The following ERICH2 variants were observed in gnomAD, a reference collection of about 807,000 sequenced individuals.
ERICH2 encodes the protein glutamate-rich protein 2.
ERICH2 carries 17 observed loss-of-function variants against 17.4 expected under a neutral mutation model. The observed-to-expected ratio is 0.98, with a 90% CI of 0.67 to 1.47. ERICH2 has a LOEUF of 1.47. Among genes scored for constraint, ERICH2 ranks in the 40% most tolerant of loss-of-function variants. The pLI is 0.00. For synonymous variants in ERICH2, 51 were observed against 61.1 expected (o/e 0.83, Z 0.77); for missense variants, 186 against 183.2 (o/e 1.01, Z -0.09).
chr2:170,789,775 A>C (rs1701242437), intron 2 of ERICH2, among the ~76,000 whole-genome samples: 1 of 152,220 alleles, frequency 6.6e-6, no homozygotes, highest in Non-Finnish European at 1.5e-5. Flanking sequence ...GGCTAGTATT[A>C]ATATAATGCT....
intron 2 of ERICH2, among the ~76,000 whole-genome samples, chr2:170,785,759 G>A (rs1366050303): frequency 6.6e-6 from 1 of 152,008 alleles, no homozygotes; most frequent in Non-Finnish European, 1.5e-5. Context: ...AACAAGAGAA[G>A]GCATTACTGG....
chr2:170,777,491 T>C, the ERICH2 span: 3 of 1,132,536 alleles, frequency 2.6e-6, no homozygotes, highest in Non-Finnish European at 3.3e-6. Flanking sequence ...GTAAGAAGAC[T>C]ATTGGAATCT....
chr2:170,777,328 T>C, the ERICH2 span: 1 of 750,544 alleles, frequency 1.3e-6, no homozygotes, highest in Non-Finnish European at 1.7e-6. Context: ...ATTTCAAATA[T>C]CTCAAACTAA....
the ERICH2 span, among the ~76,000 whole-genome samples, chr2:170,775,422 ACT>A: frequency 1.3e-5 from 2 of 151,956 alleles, no homozygotes; most frequent in Non-Finnish European, 2.9e-5. Context: ...ACAGAGCGAG[ACT>A]CTGTCTCAAA....
rs1017032725 is a variant in ERICH2, at chr2:170,790,942, G to C, written c.217-1921G>C. 2.0e-5 allele frequency among the ~76,000 whole-genome samples: 3 copies of C among 151,612 alleles called. No homozygotes were observed. The South Asian group carries it at 6.3e-4, about 32-fold the overall frequency. On this transcript the variant is annotated intron_variant, in intron 2 of 4. Transcript: ENST00000409885. ...GATTCAAGAAAGAATGACAATAAAT[G>C]AACTAAATATTAATGCCAGAAACTA...
exon 5 of ERICH2, chr2:170,798,812 A>G (rs1701492286): frequency 6.4e-7 from 1 of 1,550,604 alleles, no homozygotes; most frequent in South Asian, 1.2e-5. Flanking sequence ...AACAGTGATG[A>G]AGACAGCAGT....
rs553500960 is a variant in ERICH2 at position 170,790,882 on chromosome 2, G to A, written c.217-1981G>A. ...ACTAATTATTAAAATTTTGAAATAA[G>A]CTTAAAATTTCAAAGCTTTGATGAT... On this transcript the variant is annotated intron_variant, in intron 2 of 4. Transcript: ENST00000409885. Among the ~76,000 whole-genome samples, 46 of 150,312 alleles carry A rather than the reference G, an allele frequency of 3.1e-4. No individual in the cohort carries two copies. The South Asian group carries it at 6.9e-3, about 23-fold the overall frequency.
chr2:170,794,574 G>C (rs1019418007), intron 3 of ERICH2, among the ~76,000 whole-genome samples: 4 of 152,046 alleles, frequency 2.6e-5, no homozygotes, highest in Admixed American at 2.6e-4. Flanking sequence ...GAAAGATTCT[G>C]GTTCTTTGTT....
At chr2:170,795,118 T>C (rs1216579737) in intron 3 of ERICH2, among the ~76,000 whole-genome samples, 2 of 151,642 alleles carry the variant, frequency 1.3e-5, no homozygotes, top group African/African-American at 4.9e-5. Flanking sequence ...TAGCTGGGAC[T>C]ACAGGTGTGT....
At chr2:170,781,075 T>C (rs1701013910), upstream of ERICH2, among the ~76,000 whole-genome samples, 1 of 152,120 alleles carries the variant, frequency 6.6e-6, no homozygotes, top group Non-Finnish European at 1.5e-5. Flanking sequence ...CCATATATAC[T>C]GGGGGAGTAA....
At chr2:170,770,745 G>A in the ERICH2 span, 1 of 155,120 alleles carries the variant, frequency 6.4e-6, no homozygotes, top group Non-Finnish European at 1.5e-5. Context: ...CGGTGCGCGT[G>A]CGCACGTCAA....
At chr2:170,783,899 T>C in intron 1 of ERICH2, 1 of 1,550,516 alleles carries the variant, frequency 6.4e-7, no homozygotes, top group Non-Finnish European at 8.7e-7. Context: ...ACAACCGTCA[T>C]ACTCTTGGAA....
chr2:170,792,783 T>C, intron 2 of ERICH2, 80 bp from the exon 8 acceptor site: 2 of 858,740 alleles, frequency 2.3e-6, no homozygotes, highest in Non-Finnish European at 1.8e-6. Context: ...AAATAACTAA[T>C]GATTAATGGA....
chr2:170,786,839 A>G (rs1167535590), intron 2 of ERICH2, among the ~76,000 whole-genome samples: 2 of 152,044 alleles, frequency 1.3e-5, no homozygotes, highest in African/African-American at 2.4e-5. Context: ...AGTTCCATTA[A>G]GATTTTTTAT....
the ERICH2 span, among the ~76,000 whole-genome samples, chr2:170,775,225 C>G: frequency 6.6e-6 from 1 of 151,240 alleles, no homozygotes. Flanking sequence ...GCCAGGAGTT[C>G]AAGACCAGCT....
At chr2:170,791,707 TAAAATAAAATA>T (rs149502057) in intron 2 of ERICH2, among the ~76,000 whole-genome samples, 39,245 of 146,256 alleles carry the variant, frequency 0.27, 6,099 homozygotes, top group East Asian at 0.57. Flanking sequence ...AATAAATAAA[TAAAATAAAATA>T]AAAATAAAAT....
At chr2:170,774,697 G>C in the ERICH2 span, among the ~76,000 whole-genome samples, 2 of 150,676 alleles carry the variant, frequency 1.3e-5, no homozygotes, top group African/African-American at 2.4e-5. Context: ...TCAGCCTCCC[G>C]AGTAGCTGGG....
chr2:170,776,872 G>A, the ERICH2 span, among the ~76,000 whole-genome samples: 2 of 151,866 alleles, frequency 1.3e-5, no homozygotes, highest in East Asian at 1.9e-4. Context: ...TCATCACCCA[G>A]GTATTAAGCT....
upstream of ERICH2, chr2:170,783,047 A>G (rs371668002): frequency 6.6e-6 from 1 of 152,318 alleles, no homozygotes; most frequent in African/African-American, 2.4e-5. Context: ...ACAGTGAACT[A>G]TGATCATGTC....
Sources: allele counts gnomAD v4.1 joint callset (sites outside exome capture counted in the v4.1 genomes callset), GRCh38; gene constraint gnomAD v4.1.1; transcripts MANE v1.5; gene names NCBI Gene and HGNC (gene_info 2026-07-23, HGNC 2026-07-21).